Variants in ADARB2 observed in about 807,000 individuals in gnomAD.
ADARB2 encodes adenosine deaminase RNA specific B2 (inactive), also known as inactive double-stranded RNA-specific editase B2.
Under a neutral mutation model 62.2 loss-of-function variants are expected in ADARB2, and 25 were observed. That is an observed-to-expected ratio of 0.40 (90% CI 0.29 to 0.56). ADARB2 has a LOEUF of 0.56. ADARB2 is among the 20% of genes least tolerant of loss of function. The pLI, the probability that ADARB2 is intolerant of heterozygous loss-of-function variation, is 0.43. For synonymous variants in ADARB2, 572 were observed against 500.8 expected, an observed-to-expected ratio of 1.14 and a Z score of -1.90; for missense variants, 1,071 against 1,077.4, an observed-to-expected ratio of 0.99 and a Z score of 0.08.
At chr10:1,307,596 C>T (rs376299138) in intron 3 of ADARB2, among the ~76,000 whole-genome samples, 13 of 142,994 alleles carry the variant, frequency 9.1e-5, no homozygotes, top group African/African-American at 2.9e-4. Flanking sequence ...ACCCAAAGGA[C>T]TATAAATCAT....
intron 8 of ADARB2, among the ~76,000 whole-genome samples, chr10:1,194,954 G>A (rs1836889713): frequency 6.6e-6 from 1 of 152,142 alleles, no homozygotes; most frequent in Non-Finnish European, 1.5e-5. Context: ...ATAATTTTTT[G>A]TAGAGTTATT....
At chr10:1,656,674 A>G (rs1388022262) in intron 1 of ADARB2, among the ~76,000 whole-genome samples, 1 of 152,166 alleles carries the variant, frequency 6.6e-6, no homozygotes, top group Admixed American at 6.5e-5. Flanking sequence ...TGGGACTCTC[A>G]CGCGTCTTCA....
chr10:1,515,889 C>T (rs7474741), intron 1 of ADARB2, among the ~76,000 whole-genome samples: 17 of 152,232 alleles, frequency 1.1e-4, no homozygotes, highest in Non-Finnish European at 2.2e-4. Flanking sequence ...TAAGGAAAGC[C>T]TATGTGACAG....
intron 2 of ADARB2, among the ~76,000 whole-genome samples, chr10:1,376,986 T>C (rs1165296938): frequency 1.5e-5 from 2 of 134,822 alleles, no homozygotes; most frequent in Non-Finnish European, 3.1e-5. Context: ...GGTGTGTGTG[T>C]GTGGTGCGTC....
At chr10:1,687,253 T>C (rs182465144) in intron 1 of ADARB2, among the ~76,000 whole-genome samples, 2 of 152,290 alleles carry the variant, frequency 1.3e-5, no homozygotes, top group Non-Finnish European at 2.9e-5. Context: ...CTCAAACTCC[T>C]GAACTCAAGT....
At chr10:1,240,746 G>T (rs1395972032) in intron 5 of ADARB2, among the ~76,000 whole-genome samples, 1 of 152,252 alleles carries the variant, frequency 6.6e-6, no homozygotes, top group African/African-American at 2.4e-5. Flanking sequence ...CACCAAGCAT[G>T]TAACCAGCTC....
At chr10:1,374,730 T>A (rs1442827712) in intron 2 of ADARB2, among the ~76,000 whole-genome samples, 3 of 152,200 alleles carry the variant, frequency 2.0e-5, no homozygotes, top group African/African-American at 7.2e-5. Flanking sequence ...CTGTGCGGTA[T>A]CATTGGGACC....
chr10:1,359,091 C>T (rs1832224987), intron 3 of ADARB2, among the ~76,000 whole-genome samples: 1 of 152,150 alleles, frequency 6.6e-6, no homozygotes, highest in Non-Finnish European at 1.5e-5. Flanking sequence ...ATGATGCCTC[C>T]AGGTAGCACA....
chr10:1,658,247 T>C (rs1339560897), intron 1 of ADARB2, among the ~76,000 whole-genome samples: 2 of 151,990 alleles, frequency 1.3e-5, no homozygotes, highest in Non-Finnish European at 2.9e-5. Context: ...TCTCTGTATG[T>C]CTCTCTGTCT....
In ADARB2 at chr10:1,737,295, C is replaced by T; in HGVS notation, c.-145G>A. 1.4e-6 allele frequency: 1 copy of T among 721,906 alleles called. No homozygotes were observed. Among genetic ancestry groups the T allele is most frequent in the Non-Finnish European group, 2.3e-6 (1 of 439,234 alleles). 44.7% of individuals were successfully genotyped at this position (721,906 alleles called of 1,614,324 possible). On this transcript the variant is annotated 5_prime_UTR_variant, in exon 1 of 10. Transcript: ENST00000381312. ...CACTTTTCAGGACTGAGCAGGAAAG[C>T]GCGCTCCGTCTCTCTGTCTCTCGAA... is the stretch of plus-strand genomic sequence containing the variant.
At chr10:1,308,894 G>A (rs1831657835) in intron 3 of ADARB2, among the ~76,000 whole-genome samples, 1 of 152,136 alleles carries the variant, frequency 6.6e-6, no homozygotes, top group South Asian at 2.1e-4. Context: ...GAAAAGTGTT[G>A]GAGAAGTGGT....
chr10:1,232,570 T>A, intron 6 of ADARB2, among the ~76,000 whole-genome samples: 1 of 149,916 alleles, frequency 6.7e-6, no homozygotes, highest in African/African-American at 2.4e-5. Flanking sequence ...GTGCTATGTG[T>A]GTGGTGTGTG....
At chr10:1,406,757 C>T (rs1164262191) in intron 1 of ADARB2, among the ~76,000 whole-genome samples, 3 of 152,214 alleles carry the variant, frequency 2.0e-5, no homozygotes, top group African/African-American at 7.2e-5. Flanking sequence ...TTCGATGACA[C>T]CAACGCCCTT....
intron 3 of ADARB2, among the ~76,000 whole-genome samples, chr10:1,348,868 G>T (rs955870673): frequency 2.0e-5 from 3 of 152,204 alleles, no homozygotes; most frequent in Admixed American, 1.3e-4. Context: ...GGGCTCATGG[G>T]AGGCACAGGC....
intron 3 of ADARB2, among the ~76,000 whole-genome samples, chr10:1,325,934 C>G (rs1176411334): frequency 1.3e-5 from 2 of 152,194 alleles, no homozygotes; most frequent in Admixed American, 6.5e-5. Context: ...ACTCCTAACG[C>G]CTCAGAATAT....
At chr10:1,219,091 C>T (rs1830659212) in intron 6 of ADARB2, among the ~76,000 whole-genome samples, 2 of 151,558 alleles carry the variant, frequency 1.3e-5, no homozygotes, top group Non-Finnish European at 1.5e-5. Flanking sequence ...ATCTCCCCCG[C>T]CCTCTCACTC....
chr10:1,371,962 A>T lies in ADARB2; in HGVS notation c.187+7112T>A, dbSNP rs552016330. ...TGACCCAGCAATTTTACTGCTGGGC[A>T]TCTACCCAAAGGAAAAGAAAATCAT... On this transcript the variant is annotated intron_variant, in intron 2 of 9. Coordinates refer to ENST00000381312, the MANE Select transcript of ADARB2 (RefSeq NM_018702.4). Among the ~76,000 whole-genome samples the T allele has an allele frequency of 2.0e-5, 3 of 152,302 alleles. No homozygotes were observed. The South Asian group carries it at 6.2e-4, about 32-fold the overall frequency.
intron 1 of ADARB2, among the ~76,000 whole-genome samples, chr10:1,540,121 A>C (rs1212441312): frequency 6.6e-6 from 1 of 152,212 alleles, no homozygotes; most frequent in African/African-American, 2.4e-5. Context: ...TGGGAACCAA[A>C]TCAAGGCCCC....
At chr10:1,677,572 C>T (rs1018407430) in intron 1 of ADARB2, among the ~76,000 whole-genome samples, 2 of 152,198 alleles carry the variant, frequency 1.3e-5, no homozygotes, top group African/African-American at 4.8e-5. Flanking sequence ...CCCAAAGCCA[C>T]ATTCCTGCCA....
Sources: gnomAD v4.1 joint callset for allele counts (sites outside exome capture counted in the v4.1 genomes callset) on GRCh38, gnomAD v4.1.1 for gene constraint, MANE v1.5 for transcripts, NCBI Gene and HGNC (gene_info 2026-07-23, HGNC 2026-07-21) for gene names.